SGSM1: variants seen among roughly 807,000 people sequenced by gnomAD.
SGSM1 encodes RUN and TBC1 domain containing 2.
In SGSM1, 73 loss-of-function variants were observed where a neutral mutation model predicts 133.8. The observed-to-expected ratio is 0.55, with a 90% CI of 0.45 to 0.66. The LOEUF is 0.66. SGSM1 is among the 30% of genes least tolerant of loss of function. The pLI is 0.00. For synonymous variants in SGSM1, 563 were observed against 573.0 expected (o/e 0.98, Z 0.25); for missense variants, 1,213 against 1,448.1 (o/e 0.84, Z 2.64).
chr22:24,826,157 T>C (rs1421621553), intron 2 of SGSM1, among the ~76,000 whole-genome samples: 1 of 152,220 alleles, frequency 6.6e-6, no homozygotes, highest in Non-Finnish European at 1.5e-5. Context: ...CAAATAGAAA[T>C]TTAACAAATA....
At chr22:24,882,141 A>G (rs1388106906) in intron 14 of SGSM1, among the ~76,000 whole-genome samples, 1 of 152,042 alleles carries the variant, frequency 6.6e-6, no homozygotes, top group African/African-American at 2.4e-5. Flanking sequence ...ATTATGGTTC[A>G]CTGCACCCTC....
At chr22:24,893,352 A>G (rs1233135941) in intron 16 of SGSM1, 79 bp from the exon 17 acceptor site, 1 of 1,469,848 alleles carries the variant, frequency 6.8e-7, no homozygotes, top group Non-Finnish European at 9.3e-7. Flanking sequence ...GATCAGAGCC[A>G]CTCTCTTCCA....
At chr22:24,830,571 G>T (rs528902940) in intron 2 of SGSM1, among the ~76,000 whole-genome samples, 1 of 147,978 alleles carries the variant, frequency 6.8e-6, no homozygotes, top group East Asian at 2.0e-4. Flanking sequence ...ACTAAGGTGG[G>T]TGGGAGGAAG....
chr22:24,845,959 T>TTCTTTCTTTCTTTCTTTCTCTCTC (rs1930102068), intron 3 of SGSM1, among the ~76,000 whole-genome samples: 2 of 105,036 alleles, frequency 1.9e-5, no homozygotes, highest in African/African-American at 6.7e-5. Context: ...CTTTCTTTCT[T>TTCTTTCTTTCTTTCTTTCTCTCTC]TCTTTCTTTC....
intron 2 of SGSM1, 60 bp downstream of exon 2, chr22:24,806,544 A>G: frequency 6.8e-7 from 1 of 1,478,104 alleles, no homozygotes; most frequent in Non-Finnish European, 9.0e-7. Context: ...CCAAACGGGA[A>G]AAGAGTCTTC....
At chr22:24,911,250 A>T (rs904272995) in intron 21 of SGSM1, among the ~76,000 whole-genome samples, 2 of 151,718 alleles carry the variant, frequency 1.3e-5, no homozygotes, top group East Asian at 1.9e-4. Flanking sequence ...AATTAATTAA[A>T]TAAATAAATA....
intron 22 of SGSM1, among the ~76,000 whole-genome samples, chr22:24,913,307 A>AAAAAG (rs1933702562): frequency 1.4e-5 from 2 of 142,652 alleles, no homozygotes; most frequent in East Asian, 2.2e-4. Flanking sequence ...AAAAAAAAAA[A>AAAAAG]AAAGAAAGAA....
At chr22:24,892,788 C>T (rs976172710) in intron 16 of SGSM1, among the ~76,000 whole-genome samples, 3 of 150,592 alleles carry the variant, frequency 2.0e-5, no homozygotes, top group African/African-American at 4.9e-5. Context: ...GTGGCTCACA[C>T]CTGTAATCCC....
intron 20 of SGSM1, among the ~76,000 whole-genome samples, chr22:24,903,878 A>G (rs1569172687): frequency 6.6e-6 from 1 of 150,516 alleles, no homozygotes; most frequent in Non-Finnish European, 1.5e-5. Flanking sequence ...AGGCTGAGAC[A>G]GGGGAATTGC....
chr22:24,831,967 C>CT (rs1412243407), intron 2 of SGSM1, among the ~76,000 whole-genome samples: 1 of 152,214 alleles, frequency 6.6e-6, no homozygotes, highest in East Asian at 1.9e-4. Flanking sequence ...CCTAGGTTGG[C>CT]TGGGTGCATC....
chr22:24,850,521 T>G (rs1202930382), intron 5 of SGSM1, 89 bp downstream of exon 5: 4 of 1,527,212 alleles, frequency 2.6e-6, no homozygotes, highest in Admixed American at 2.1e-5. Context: ...AAAGCTGCTT[T>G]CTTTTTCCCC....
chr22:24,826,118 G>A (rs1194098456), intron 2 of SGSM1, among the ~76,000 whole-genome samples: 1 of 152,204 alleles, frequency 6.6e-6, no homozygotes, highest in East Asian at 1.9e-4. Flanking sequence ...TAGATTGTAT[G>A]TGCCTGAAAA....
At chr22:24,888,321 T>C (rs746725121) in intron 16 of SGSM1, among the ~76,000 whole-genome samples, 1 of 152,320 alleles carries the variant, frequency 6.6e-6, no homozygotes, top group Non-Finnish European at 1.5e-5. Flanking sequence ...ATTTTCTAGT[T>C]TACATTTGAG....
At chr22:24,896,619 G>GT (rs1569168222) in intron 18 of SGSM1, among the ~76,000 whole-genome samples, 1 of 139,990 alleles carries the variant, frequency 7.1e-6, no homozygotes, top group Non-Finnish European at 1.5e-5. Context: ...TTTATTTTTT[G>GT]TTTTTTGGTT....
chr22:24,872,311 T>C (rs930029341), intron 12 of SGSM1, among the ~76,000 whole-genome samples: 2 of 152,166 alleles, frequency 1.3e-5, no homozygotes, highest in African/African-American at 2.4e-5. Context: ...TTCCAAAATA[T>C]GTGGACAGGT....
At chr22:24,869,213 A>T (rs759704299) in intron 12 of SGSM1, among the ~76,000 whole-genome samples, 63 of 152,122 alleles carry the variant, frequency 4.1e-4, no homozygotes, top group Admixed American at 1.4e-3. Flanking sequence ...TGGGGATTAA[A>T]CGAGGTAAGG....
At chr22:24,868,339 C>A in intron 10 of SGSM1, 37 bp from the exon 11 acceptor site, 1 of 1,587,730 alleles carries the variant, frequency 6.3e-7, no homozygotes, top group Non-Finnish European at 8.6e-7. Flanking sequence ...CTCATAGTGA[C>A]TTCCACTGGG....
chr22:24,907,124 G>A (rs1439260598), intron 21 of SGSM1, among the ~76,000 whole-genome samples: 2 of 151,288 alleles, frequency 1.3e-5, no homozygotes, highest in South Asian at 2.1e-4. Flanking sequence ...GCCCAGCATC[G>A]TGGCGGGTGC....
chr22:24,884,288 G>A (rs1252292601), intron 15 of SGSM1, 90 bp downstream of exon 15: 1 of 1,486,178 alleles, frequency 6.7e-7, no homozygotes, highest in East Asian at 2.3e-5. Context: ...ATGCTTGTGG[G>A]GACTTGAGCT....
Sources: allele counts gnomAD v4.1 joint callset (sites outside exome capture counted in the v4.1 genomes callset), GRCh38; gene constraint gnomAD v4.1.1; transcripts MANE v1.5; gene names NCBI Gene and HGNC (gene_info 2026-07-23, HGNC 2026-07-21).